The following ECD variants were observed in gnomAD, a reference collection of about 807,000 sequenced individuals.
ECD encodes the protein ecdysoneless cell cycle regulator.
A neutral mutation model predicts 77.2 loss-of-function variants in ECD; 59 were observed. The ratio of observed to expected loss-of-function variants is 0.76; its 90% CI spans 0.62 to 0.95. ECD has a LOEUF of 0.95. Among genes scored for constraint, ECD ranks in the 40% least tolerant of loss-of-function variants. The pLI is 0.00. For missense variants in ECD, 704 were observed against 763.4 expected (o/e 0.92, Z 0.92); for synonymous variants, 233 against 267.4 (o/e 0.87, Z 1.26).
chr10:73,136,662 A>T, intron 13 of ECD, 42 bp downstream of exon 13: 1 of 1,562,448 alleles, frequency 6.4e-7, no homozygotes, highest in South Asian at 1.1e-5. Flanking sequence ...GCTATCTGAC[A>T]TACTAGACTC....
intron 3 of ECD, among the ~76,000 whole-genome samples, chr10:73,159,160 G>T (rs1482153680): frequency 1.3e-5 from 2 of 152,166 alleles, no homozygotes; most frequent in Admixed American, 6.5e-5. Flanking sequence ...TGGGAAAGAG[G>T]TTGAGTGGGT....
intron 12 of ECD, 129 bp from the exon 13 acceptor site, chr10:73,137,047 C>A (rs941829800): frequency 2.4e-6 from 1 of 412,422 alleles, no homozygotes; most frequent in East Asian, 5.5e-5. Context: ...CTAATACACA[C>A]AGTCAGTCTA....
Position 73,139,366 on chromosome 10 carries a change from T to C in ECD, c.1364A>G (p.Glu455Gly). Residue 455 changes from glutamate (E) to glycine (G), a missense_variant, in exon 11 of 14, where the codon GAG (glutamate) becomes GGG (glycine). Physicochemically the swap from Glu to Gly is moderately conservative, Grantham distance 98. Around this residue, in one of 3 missense-constraint regions of ECD, gnomAD observed 559 missense variants for 583.7 expected, o/e 0.96. Coordinates refer to ENST00000372979, the MANE Select transcript of ECD (RefSeq NM_007265.3). ...TTTGGATATGAAAGCTTTCATGCTC[T>C]CTGAGACTTCAGTTAAGTCATAGTT... ...EQNYDLTEVS[E>G]SMKAFISKVS... The C allele has an allele frequency of 6.2e-7, 1 of 1,614,200 alleles. No individual in the cohort carries two copies. The highest frequency in any genetic ancestry group is 8.5e-7 in the Non-Finnish European group (1 of 1,180,034).
At chr10:73,153,685 C>G (rs1260982101) in intron 6 of ECD, among the ~76,000 whole-genome samples, 1 of 134,090 alleles carries the variant, frequency 7.5e-6, no homozygotes, top group East Asian at 2.2e-4. Flanking sequence ...GAGATGGCTC[C>G]ACTACACTCC....
intron 9 of ECD, among the ~76,000 whole-genome samples, chr10:73,144,284 A>G (rs1004762818): frequency 6.6e-6 from 1 of 152,188 alleles, no homozygotes; most frequent in Non-Finnish European, 1.5e-5. Flanking sequence ...AGTCTATGAT[A>G]TTATACGTAG....
intron 2 of ECD, among the ~76,000 whole-genome samples, chr10:73,162,459 A>C (rs1031645963): frequency 1.3e-5 from 2 of 152,238 alleles, no homozygotes; most frequent in Non-Finnish European, 2.9e-5. Flanking sequence ...GGATGGATAA[A>C]GGGTTGGTTT....
Position 73,163,787 on chromosome 10 carries a change from C to T in ECD, c.151G>A (p.Val51Ile). 6.2e-7 allele frequency: 1 copy of T among 1,614,094 alleles called. No homozygotes were observed. Among genetic ancestry groups the T allele is most frequent in the Non-Finnish European group, 8.5e-7 (1 of 1,180,020 alleles). Reference protein sequence around the residue: ...RIITRFAPMLVPYIWQNQPFN... With the variant: ...RIITRFAPMLIPYIWQNQPFN... ...GGCTGATTCTGCCAGATGTAGGGGA[C>T]CAGCATAGGTGCAAACCGAGTGATT... is the stretch of plus-strand genomic sequence containing the variant. The change falls in exon 2 of 14, where the codon GTC becomes ATC. Residue 51 changes from valine to isoleucine, a missense_variant. By Grantham distance (29) the Val-to-Ile change is conservative. Coordinates refer to ENST00000372979, the MANE Select transcript of ECD (RefSeq NM_007265.3).
intron 2 of ECD, 118 bp from the exon 3 acceptor site, chr10:73,160,669 C>G (rs1843364013): frequency 3.0e-6 from 2 of 671,276 alleles, no homozygotes; most frequent in Non-Finnish European, 4.8e-6. Context: ...TACTGGGGAG[C>G]AGGGGTTGCA....
At chr10:73,157,710 G>A (rs1411458332) in intron 3 of ECD, among the ~76,000 whole-genome samples, 92 of 146,564 alleles carry the variant, frequency 6.3e-4, no homozygotes, top group East Asian at 2.1e-3. Flanking sequence ...CAACAAGAGC[G>A]AAACTCCATC....
chr10:73,141,032 T>C (rs1337005454), intron 9 of ECD, among the ~76,000 whole-genome samples: 6 of 152,194 alleles, frequency 3.9e-5, no homozygotes, highest in African/African-American at 9.6e-5. Flanking sequence ...ACACTTTAAA[T>C]ACATTTTCTT....
chr10:73,142,802 T>C (rs1210012833), intron 9 of ECD, among the ~76,000 whole-genome samples: 1 of 152,164 alleles, frequency 6.6e-6, no homozygotes, highest in Non-Finnish European at 1.5e-5. Context: ...TTCTATTTCT[T>C]GTATTTGCTG....
At chr10:73,166,978 T>C (rs1843481452) in intron 1 of ECD, among the ~76,000 whole-genome samples, 1 of 152,212 alleles carries the variant, frequency 6.6e-6, no homozygotes, top group Non-Finnish European at 1.5e-5. Flanking sequence ...CCATTTTGAC[T>C]TGATTTTTGT....
Position 73,163,898 on chromosome 10 carries a change from C to T in ECD, c.40G>A (p.Val14Met). ...GGTATCAGGAACAGGCAGTACTCCA[C>T]TGTGTCTTCCATCGTAGCAAGCTTC... Reference protein sequence around the residue: ...TMKLATMEDTVEYCLFLIPDE... With the variant: ...TMKLATMEDTMEYCLFLIPDE... Residue 14 changes from valine to methionine, a missense_variant, in exon 2 of 14, where the codon GTG becomes ATG. Val to Met is a conservative substitution (Grantham distance 21, BLOSUM62 1). Coordinates refer to ENST00000372979, the MANE Select transcript of ECD (RefSeq NM_007265.3). 6.2e-7 allele frequency: 1 copy of T among 1,614,182 alleles called. No individual in the cohort carries two copies. The highest frequency in any genetic ancestry group is 1.1e-5 in the South Asian group (1 of 91,088).
intron 9 of ECD, among the ~76,000 whole-genome samples, chr10:73,142,193 G>A (rs1420341783): frequency 1.3e-5 from 2 of 151,916 alleles, no homozygotes; most frequent in African/African-American, 2.4e-5. Context: ...ATTTGTAGTA[G>A]AGATGGGGTT....
intron 7 of ECD, among the ~76,000 whole-genome samples, chr10:73,150,734 C>A (rs1843191124): frequency 6.6e-6 from 1 of 152,196 alleles, no homozygotes; most frequent in African/African-American, 2.4e-5. Flanking sequence ...AGACACTTCT[C>A]AAAAGAAGAC....
intron 6 of ECD, 125 bp from the exon 7 acceptor site, chr10:73,152,546 A>T: frequency 9.2e-7 from 1 of 1,083,922 alleles, no homozygotes; most frequent in South Asian, 1.6e-5. Flanking sequence ...TGCAAAGAAG[A>T]TTCAACCTAT....
chr10:73,139,285 T>C (rs1589679416), intron 11 of ECD, 24 bp downstream of exon 11: 1 of 1,576,174 alleles, frequency 6.3e-7, no homozygotes. Context: ...GCTATTTATA[T>C]ATTTATACTT....
chr10:73,167,817 G>A (rs1843509038), intron 1 of ECD, 49 bp downstream of exon 1: 1 of 161,382 alleles, frequency 6.2e-6, no homozygotes, highest in Non-Finnish European at 1.3e-5. Context: ...TCTTTCCCCA[G>A]TCTAGGCTCC....
intron 3 of ECD, among the ~76,000 whole-genome samples, chr10:73,157,112 T>C (rs1843306603): frequency 6.6e-6 from 1 of 151,904 alleles, no homozygotes; most frequent in Non-Finnish European, 1.5e-5. Flanking sequence ...TGCAGTGGTA[T>C]GATCTCGGCT....
Sources: allele counts gnomAD v4.1 joint callset (sites outside exome capture counted in the v4.1 genomes callset), GRCh38; gene constraint gnomAD v4.1.1; regional missense constraint gnomAD v4.1.1; transcripts MANE v1.5; gene names NCBI Gene and HGNC (gene_info 2026-07-23, HGNC 2026-07-21).